DENND6B: variants seen among roughly 807,000 people sequenced by gnomAD.
DENND6B encodes the protein protein DENND6B.
DENND6B carries 73 observed loss-of-function variants against 85.1 expected under a neutral mutation model. The ratio of observed to expected loss-of-function variants is 0.86; its 90% CI spans 0.71 to 1.04. The LOEUF is 1.04. DENND6B is among the 50% of genes least tolerant of loss of function. DENND6B has a pLI of 0.00. For synonymous variants in DENND6B, 357 were observed against 329.3 expected (o/e 1.08, Z -0.91); for missense variants, 715 against 785.8 (o/e 0.91, Z 1.08).
chr22:50,319,468 GCCC>G (rs2041971969), intron 1 of DENND6B: 11 of 985,202 alleles, frequency 1.1e-5, no homozygotes, highest in African/African-American at 1.7e-5. Context: ...GGGCCCCCCT[GCCC>G]CTACCCACCC....
rs746347927 is a variant in DENND6B, at chr22:50,311,834, G to A, written c.*305C>T. The A allele has an allele frequency of 5.2e-5, 22 of 425,644 alleles. No homozygotes were observed. Among genetic ancestry groups the A allele is most frequent in the East Asian group, 2.4e-4 (5 of 21,054 alleles). The allele number at this position is 425,644 out of a possible 1,614,324, so 26.4% of individuals were successfully genotyped here. On this transcript the variant is annotated 3_prime_UTR_variant, in exon 20 of 20. Transcript: ENST00000413817. Reference sequence around the variant, plus strand: ...GCACCGGGAGGGGCAGACGGTAGACGCACCCACATCAGCAAGGGCTCCCAG... The same window carrying A: ...GCACCGGGAGGGGCAGACGGTAGACACACCCACATCAGCAAGGGCTCCCAG...
chr22:50,323,321 G>C (rs2042108091), intron 1 of DENND6B, among the ~76,000 whole-genome samples: 1 of 140,762 alleles, frequency 7.1e-6, no homozygotes, highest in Non-Finnish European at 1.5e-5. Flanking sequence ...CTGCACTCCA[G>C]CTCTGTCACC....
In DENND6B at chr22:50,317,045, C is replaced by T. The variant is rs570140849; in HGVS notation, c.453+248G>A. On this transcript the variant is annotated intron_variant, in intron 5 of 19. Coordinates refer to ENST00000413817, the MANE Select transcript of DENND6B (RefSeq NM_001001794.4). ...CGGGGGGGGGGCGGCGAGGACAGGG[C>T]GGGGGGCCGCGAGGACAGGGTGGGG... is the stretch of plus-strand genomic sequence containing the variant. 3.8e-4 allele frequency: 49 copies of T among 130,042 alleles called. 1 individual carries two copies. The highest frequency in any genetic ancestry group is 1.8e-3 in the South Asian group (45 of 24,366). 8.1% of individuals were successfully genotyped at this position (130,042 alleles called of 1,614,324 possible).
At position 50,312,017 on chromosome 22, in the gene DENND6B, G is replaced by A; in HGVS notation, c.*122C>T. ...AGACAATGGTGGTGCAGGAAGGGGA[G>A]CCTGCAGTCTGGGCGGGGGGCCAAG... On this transcript the variant is annotated 3_prime_UTR_variant, in exon 20 of 20. Coordinates refer to ENST00000413817, the MANE Select transcript of DENND6B (RefSeq NM_001001794.4). The A allele has an allele frequency of 4.9e-6, 7 of 1,427,078 alleles. No homozygotes were observed. The South Asian group carries it at 8.5e-5, about 17-fold the overall frequency. 88.4% of individuals were successfully genotyped at this position (1,427,078 alleles called of 1,614,324 possible). A position where few individuals can be genotyped will look rare whatever the true frequency, so the allele number is the denominator to read the frequency against.
intron 1 of DENND6B, among the ~76,000 whole-genome samples, chr22:50,319,815 G>T (rs1186989006): frequency 1.3e-5 from 2 of 152,224 alleles, no homozygotes; most frequent in Admixed American, 6.5e-5. Flanking sequence ...CCCTGCCAGG[G>T]CCTGTGCCCC....
rs547473205 is a variant in DENND6B, at chr22:50,320,756, A to T, written c.178-1753T>A. ...GTGTCTGCACTGAGGAGAACTGAGAAAAGGCGGGTACCTTCTGCCTGGGGT... is the reference window on the plus strand; with the variant it reads ...GTGTCTGCACTGAGGAGAACTGAGATAAGGCGGGTACCTTCTGCCTGGGGT... On this transcript the variant is annotated intron_variant, in intron 1 of 19. Transcript: ENST00000413817. Among the ~76,000 whole-genome samples the T allele has an allele frequency of 2.6e-5, 4 of 152,304 alleles. 1 individual carries two copies. The highest frequency in any genetic ancestry group is 9.6e-5 in the African/African-American group (4 of 41,572).
chr22:50,319,482 G>A (rs760052287), intron 1 of DENND6B: 44 of 984,282 alleles, frequency 4.5e-5, no homozygotes, highest in South Asian at 1.4e-4. Flanking sequence ...CTACCCACCC[G>A]GACATCTGTT....
Position 50,326,930 on chromosome 22 carries a change from CCAGCCGCGCCCAGG to C in DENND6B, c.45_58del (p.Cys15TrpfsTer159). ...CGCCGCGCGACCTGAAGACGTGGGT[CCAGCCGCGCCCAGG>C]CAGCCGCGAGCCCGGCGAGGCCCTG... On this transcript the variant is annotated frameshift_variant, in exon 1 of 20. Transcript: ENST00000413817. LOFTEE classifies it high-confidence loss of function. 7.6e-7 allele frequency: 1 copy of C among 1,310,448 alleles called. No homozygotes were observed. Among genetic ancestry groups the C allele is most frequent in the South Asian group, 2.1e-5 (1 of 47,086 alleles). 81.2% of individuals were successfully genotyped at this position (1,310,448 alleles called of 1,614,324 possible). A position where few individuals can be genotyped will look rare whatever the true frequency, so the allele number is the denominator to read the frequency against.
rs369857158 is a variant in DENND6B, at chr22:50,323,546, A to C, written c.177+3266T>G. ...TGCAATCCGCCTGCCTCAGCCTCCC[A>C]AAGTGCTAAGATTATAGGCATGAAA... On this transcript the variant is annotated intron_variant, in intron 1 of 19. Coordinates refer to ENST00000413817, the MANE Select transcript of DENND6B (RefSeq NM_001001794.4). 2.0e-5 allele frequency among the ~76,000 whole-genome samples: 3 copies of C among 151,304 alleles called. No individual in the cohort carries two copies. In the East Asian group the frequency reaches 5.8e-4, roughly 29 times the overall value.
Position 50,318,847 on chromosome 22 carries a change from C to A in DENND6B, c.259G>T (p.Gly87Cys). Reference protein sequence around the residue: ...CYLSFPDSHSGCLGDTQFSFR... With the variant: ...CYLSFPDSHSCCLGDTQFSFR... ...CCCCAGGAAAGGTGGGGTTGCCTACCTGAGTGCGAGTCGGGAAAAGACAGG... is the reference window on the plus strand; with the variant it reads ...CCCCAGGAAAGGTGGGGTTGCCTACATGAGTGCGAGTCGGGAAAAGACAGG... The change falls in exon 3 of 20, where the codon GGC becomes TGC. Residue 87 changes from glycine to cysteine, a missense_variant and splice_region_variant. By Grantham distance (159) the Gly-to-Cys change is radical. Coordinates refer to ENST00000413817, the MANE Select transcript of DENND6B (RefSeq NM_001001794.4). The A allele has an allele frequency of 6.2e-7, 1 of 1,613,278 alleles. No homozygotes were observed. The highest frequency in any genetic ancestry group is 8.5e-7 in the Non-Finnish European group (1 of 1,179,690).
At chr22:50,316,139 C>T in intron 7 of DENND6B, 35 bp downstream of exon 7, 6 of 1,612,660 alleles carry the variant, frequency 3.7e-6, no homozygotes, top group Non-Finnish European at 5.1e-6. Context: ...CCCCACACAC[C>T]TGCAGAGCCT....
chr22:50,318,702 C>G, intron 3 of DENND6B, 145 bp downstream of exon 3: 6 of 1,197,428 alleles, frequency 5.0e-6, no homozygotes, highest in Non-Finnish European at 7.1e-6. Flanking sequence ...GGTGCCTCCA[C>G]GGAGTGGGCA....
chr22:50,317,956 C>G lies in DENND6B; in HGVS notation c.324G>C (p.Trp108Cys), dbSNP rs2041909211. Residue 108 changes from tryptophan to cysteine, a missense_variant, in exon 4 of 20, where the codon TGG (tryptophan) becomes TGC (cysteine). Trp to Cys is a radical substitution (Grantham distance 215). Transcript: ENST00000413817. ...TGTTGTAGTGCCTGTCGTCGGCATGCCAGGGGCTCCTCTGCCCTCCACACT... is the reference window on the plus strand; with the variant it reads ...TGTTGTAGTGCCTGTCGTCGGCATGGCAGGGGCTCCTCTGCCCTCCACACT... Reference protein sequence around the residue: ...MRQCGGQRSPWHADDRHYNSR... With the variant: ...MRQCGGQRSPCHADDRHYNSR... 1.9e-6 allele frequency: 3 copies of G among 1,611,908 alleles called. No individual in the cohort carries two copies.
chr22:50,312,954 T>C, intron 17 of DENND6B, 45 bp downstream of exon 17: 2 of 1,512,404 alleles, frequency 1.3e-6, no homozygotes, highest in Non-Finnish European at 1.8e-6. Flanking sequence ...GCTGACCCTG[T>C]GGACCAAGGA....
chr22:50,316,488 G>A lies in DENND6B; in HGVS notation c.454-13C>T, dbSNP rs774362338. On this transcript the variant is annotated splice_polypyrimidine_tract_variant and intron_variant, in intron 5 of 19. Coordinates refer to ENST00000413817, the MANE Select transcript of DENND6B (RefSeq NM_001001794.4). ...CCAGCACCAAAGACTGCAGGGCCAC[G>A]GGGCCAGTTAGAGGCCCAGTGCCAG... 1.2e-5 allele frequency: 19 copies of A among 1,562,764 alleles called. No homozygotes were observed. Among genetic ancestry groups the A allele is most frequent in the Admixed American group, 5.8e-5 (3 of 52,052 alleles).
intron 1 of DENND6B, chr22:50,319,611 T>G: frequency 1.3e-6 from 1 of 771,838 alleles, no homozygotes; most frequent in Non-Finnish European, 1.6e-6. Context: ...AGAGGGCCCC[T>G]CACCTGGGAT....
chr22:50,314,179 G>A (rs771691447), intron 13 of DENND6B, 28 bp downstream of exon 13: 159 of 1,589,036 alleles, frequency 1.0e-4, no homozygotes, highest in Admixed American at 2.4e-4. Context: ...CCACGGTGGA[G>A]GGGCTCCAGG....
In DENND6B at chr22:50,311,009, C is replaced by T. The variant is rs1044556950; in HGVS notation, c.*1130G>A. On this transcript the variant is annotated 3_prime_UTR_variant, in exon 20 of 20. Transcript: ENST00000413817. ...GTCCCCTGGCCAGCACCCGCCCGGC[C>T]TCACAGGGTACAAAGCCCAGTCTCC... is the stretch of plus-strand genomic sequence containing the variant. 6.6e-6 allele frequency: 1 copy of T among 152,258 alleles called. No homozygotes were observed. Among genetic ancestry groups the T allele is most frequent in the Non-Finnish European group, 1.5e-5 (1 of 68,090 alleles). The allele number at this position is 152,258 out of a possible 1,614,324, so 9.4% of individuals were successfully genotyped here. A position where few individuals can be genotyped will look rare whatever the true frequency, so the allele number is the denominator to read the frequency against.
rs776586135 is a variant in DENND6B at position 50,312,329 on chromosome 22, G to A, written c.1635+14C>T. The A allele has an allele frequency of 1.9e-5, 31 of 1,611,126 alleles. No individual in the cohort carries two copies. The East Asian group carries it at 6.2e-4, about 32-fold the overall frequency. On this transcript the variant is annotated intron_variant, in intron 19 of 19. Transcript: ENST00000413817. ...AGGCTGGTGGCGCTGGGACAAGGCT[G>A]GGAGGCATCTTACCAGCTTCTCACG... is the stretch of plus-strand genomic sequence containing the variant.
Sources: allele counts gnomAD v4.1 joint callset (sites outside exome capture counted in the v4.1 genomes callset), GRCh38; gene constraint gnomAD v4.1.1; transcripts MANE v1.5; gene names NCBI Gene and HGNC (gene_info 2026-07-23, HGNC 2026-07-21).